CISH: variants seen among roughly 807,000 people sequenced by gnomAD.
CISH encodes cytokine inducible SH2 containing protein.
In CISH, 11 loss-of-function variants were observed where a neutral mutation model predicts 21.3. The ratio of observed to expected loss-of-function variants is 0.52; its 90% confidence interval spans 0.32 to 0.85. The LOEUF is 0.85. Among genes scored for constraint, CISH ranks in the 40% least tolerant of loss-of-function variants. CISH has a pLI of 0.03. For missense variants in CISH, 280 were observed against 351.7 expected (o/e 0.80, Z 1.63); for synonymous variants, 118 against 142.3 (o/e 0.83, Z 1.22).
intron 1 of CISH, chr3:50,610,952 CT>C: frequency 1.0e-6 from 1 of 999,252 alleles, no homozygotes; most frequent in Non-Finnish European, 1.2e-6. Context: ...TCAGCATCCC[CT>C]CTCCACTGTC....
chr3:50,610,251 G>A (rs959343646), intron 1 of CISH: 36 of 1,162,642 alleles, frequency 3.1e-5, no homozygotes, highest in Middle Eastern at 2.8e-4. Flanking sequence ...GGGTGGCCAC[G>A]TCCAGATAGC....
chr3:50,611,684 C>A lies in CISH; in HGVS notation c.-34G>T. ...GGCAGCGGCGACTCCGGAGTGGGGA[C>A]TCGGCTGGACGGCGGCGGCTGGAGG... is the stretch of plus-strand genomic sequence containing the variant. On this transcript the variant is annotated 5_prime_UTR_variant, in exon 1 of 3. Transcript: ENST00000348721. 1.4e-6 allele frequency: 2 copies of A among 1,464,782 alleles called. No homozygotes were observed. Among genetic ancestry groups the A allele is most frequent in the Non-Finnish European group, 1.8e-6 (2 of 1,109,038 alleles). 90.7% of individuals were successfully genotyped at this position (1,464,782 alleles called of 1,614,324 possible).
chr3:50,607,325 G>T lies in CISH; in HGVS notation c.*282C>A. On this transcript the variant is annotated 3_prime_UTR_variant, in exon 3 of 3. Coordinates refer to ENST00000348721, the MANE Select transcript of CISH (RefSeq NM_145071.4). ...GGGCAGGCAAGCGAGTGGAGGTCTG[G>T]GCCCAGCCCACAGGTGAGACAAGGT... 1 of 455,138 alleles carries T rather than the reference G, an allele frequency of 2.2e-6. No homozygotes were observed. Among genetic ancestry groups the T allele is most frequent in the Non-Finnish European group, 4.0e-6 (1 of 249,358 alleles). 28.2% of individuals were successfully genotyped at this position (455,138 alleles called of 1,614,324 possible). A position where few individuals can be genotyped will look rare whatever the true frequency, so the allele number is the denominator to read the frequency against.
chr3:50,607,968 C>T lies in CISH; in HGVS notation c.416G>A (p.Arg139His), dbSNP rs1436502044. The T allele has an allele frequency of 1.2e-5, 20 of 1,613,874 alleles. No individual in the cohort carries two copies. The highest frequency in any genetic ancestry group is 4.0e-5 in the African/African-American group (3 of 74,894). Residue 139 changes from arginine (R) to histidine (H), a missense_variant, in exon 3 of 3, where the codon CGT (arginine) becomes CAT (histidine). Arg to His is a conservative substitution (Grantham distance 29). Coordinates refer to ENST00000348721, the MANE Select transcript of CISH (RefSeq NM_145071.4). ...CCTGGACAAGCAGTTGGAGTCCAGA[C>T]GGAAGCTGGAGTCGGCATACTCAAT... ...VRIEYADSSF[R>H]LDSNCLSRPR...
intron 1 of CISH, chr3:50,610,212 TG>T: frequency 1.3e-6 from 1 of 777,122 alleles, no homozygotes; most frequent in Non-Finnish European, 2.1e-6. Context: ...GCATGGTTGG[TG>T]GCTAGCCAGT....
At chr3:50,608,262 C>G in intron 2 of CISH, 111 bp downstream of exon 2, 2 of 1,449,080 alleles carry the variant, frequency 1.4e-6, no homozygotes, top group South Asian at 2.6e-5. Flanking sequence ...GTGCCTCTCC[C>G]ATCAGACTCT....
rs2032159727 is a variant in CISH at position 50,606,623 on chromosome 3, T to A, written c.*984A>T. 1 of 152,176 alleles carries A rather than the reference T, an allele frequency of 6.6e-6. No individual in the cohort carries two copies. The highest frequency in any genetic ancestry group is 2.4e-5 in the African/African-American group (1 of 41,424). The allele number at this position is 152,176 out of a possible 1,614,324, so 9.4% of individuals were successfully genotyped here. A position where few individuals can be genotyped will look rare whatever the true frequency, so the allele number is the denominator to read the frequency against. ...TTGCTATAATTATTATTTCATGAAG[T>A]CTTATCAGACGTGTATTTCTCTCCT... On this transcript the variant is annotated 3_prime_UTR_variant, in exon 3 of 3. Transcript: ENST00000348721.
At chr3:50,608,987 C>A (rs898298342) in intron 1 of CISH, 39 of 184,526 alleles carry the variant, frequency 2.1e-4, no homozygotes, top group African/African-American at 7.9e-4. Flanking sequence ...CTGAAGTGGG[C>A]TGATTAAATG....
At chr3:50,610,335 G>C in intron 1 of CISH, 1 of 1,549,338 alleles carries the variant, frequency 6.5e-7, no homozygotes, top group South Asian at 1.2e-5. Context: ...TGTATGAATA[G>C]CTGTGTTGAT....
In CISH at chr3:50,607,571, G is replaced by A. The variant is rs1200447746; in HGVS notation, c.*36C>T. ...CTGGGGCTGATGTCCCCTCCAGGGT[G>A]CGACTGGGTGAGGGTGGGCAGATTG... On this transcript the variant is annotated 3_prime_UTR_variant, in exon 3 of 3. Coordinates refer to ENST00000348721, the MANE Select transcript of CISH (RefSeq NM_145071.4). The A allele has an allele frequency of 2.5e-6, 4 of 1,573,828 alleles. No homozygotes were observed. The highest frequency in any genetic ancestry group is 1.7e-5 in the Admixed American group (1 of 58,046).
intron 1 of CISH, 147 bp downstream of exon 1, chr3:50,611,484 C>T: frequency 6.8e-7 from 1 of 1,462,858 alleles, no homozygotes; most frequent in South Asian, 1.3e-5. Flanking sequence ...GTCACAGCCC[C>T]ACACAGAGCC....
intron 1 of CISH, chr3:50,610,446 G>A (rs1370505955): frequency 1.3e-6 from 2 of 1,551,562 alleles, no homozygotes; most frequent in African/African-American, 2.7e-5. Flanking sequence ...AGGTACATGT[G>A]TGTGCCCGCT....
Position 50,607,406 on chromosome 3 carries a change from G to A in CISH, c.*201C>T. ...GCTCAGTATAATGAAGCCACATGCG[G>A]CCTGGGGGCATTTACCTCCAAGTTG... On this transcript the variant is annotated 3_prime_UTR_variant, in exon 3 of 3. Transcript: ENST00000348721. 1.7e-6 allele frequency: 1 copy of A among 604,664 alleles called. No individual in the cohort carries two copies. The highest frequency in any genetic ancestry group is 2.9e-6 in the Non-Finnish European group (1 of 340,860). The allele number at this position is 604,664 out of a possible 1,614,324, so 37.5% of individuals were successfully genotyped here.
At chr3:50,611,449 G>A in intron 1 of CISH, 182 bp downstream of exon 1, 1 of 1,401,652 alleles carries the variant, frequency 7.1e-7, no homozygotes, top group Non-Finnish European at 9.2e-7. Flanking sequence ...ATTGAGGTAA[G>A]TGTGTGGGGG....
At chr3:50,610,928 A>G in intron 1 of CISH, 1 of 1,009,136 alleles carries the variant, frequency 9.9e-7, no homozygotes, top group Non-Finnish European at 1.2e-6. Flanking sequence ...AGCTCAGGTC[A>G]AGACTCTGTC....
chr3:50,607,676 G>A lies in CISH; in HGVS notation c.708C>T (p.Ala236=), dbSNP rs781548350. 11 of 1,613,524 alleles carry A rather than the reference G, an allele frequency of 6.8e-6. No individual in the cohort carries two copies. Among genetic ancestry groups the A allele is most frequent in the South Asian group, 1.1e-5 (1 of 91,078 alleles). ...GGGGCAGTGGCAGGCAGTCCACGTC[G>A]GCCACCAGACGGTTGATGACAAGGC... ...LCRLVINRLV[A]DVDCLPLPRR... The change falls in exon 3 of 3, where the codon GCC becomes GCT. Residue 236 remains alanine (A), a synonymous_variant. Coordinates refer to ENST00000348721, the MANE Select transcript of CISH (RefSeq NM_145071.4).
In CISH at chr3:50,608,130, C is replaced by T. The variant is rs368792354; in HGVS notation, c.254G>A (p.Gly85Asp). The T allele has an allele frequency of 1.2e-5, 19 of 1,604,616 alleles. No individual in the cohort carries two copies. Among genetic ancestry groups the T allele is most frequent in the African/African-American group, 1.3e-5 (1 of 74,786 alleles). The change falls in exon 3 of 3, where the codon GGT (glycine) becomes GAT (aspartate). Residue 85 changes from glycine (G) to aspartate (D), a missense_variant. Coordinates refer to ENST00000348721, the MANE Select transcript of CISH (RefSeq NM_145071.4). ...TCGGGCCTCGCTGGCCGTAATGGAA[C>T]CCCAATACCAGCCTAGGCAAGTGCA... The part of the protein sequence containing the change: ...SYLRESGWYW[G>D]SITASEARQH...
At chr3:50,611,479 AG>A in intron 1 of CISH, 151 bp downstream of exon 1, 1 of 1,435,480 alleles carries the variant, frequency 7.0e-7, no homozygotes, top group Non-Finnish European at 9.1e-7. Flanking sequence ...GGAGTGTCAC[AG>A]CCCCACACAG....
chr3:50,610,781 G>A, intron 1 of CISH: 1 of 1,184,306 alleles, frequency 8.4e-7, no homozygotes, highest in Non-Finnish European at 1.1e-6. Flanking sequence ...CTCCCTGAGT[G>A]CAGAACACCC....
Sources: gnomAD v4.1 joint callset for allele counts on GRCh38, gnomAD v4.1.1 for gene constraint, MANE v1.5 for transcripts, NCBI Gene and HGNC (gene_info 2026-07-23, HGNC 2026-07-21) for gene names.